EML1: variants seen among roughly 807,000 people sequenced by gnomAD.
EML1 encodes echinoderm microtubule-associated protein-like 1.
A neutral mutation model predicts 110.4 loss-of-function variants in EML1; 27 were observed. That is an observed-to-expected ratio of 0.24 (90% CI 0.18 to 0.34). EML1 has a LOEUF of 0.34. Among genes scored for constraint, EML1 ranks in the 10% least tolerant of loss-of-function variants. The pLI is 1.00. For synonymous variants in EML1, 344 were observed against 385.8 expected (o/e 0.89, Z 1.27); for missense variants, 741 against 1,030.9 (o/e 0.72, Z 3.85).
chr14:99,820,690 A>G (rs2058246759), intron 1 of EML1, among the ~76,000 whole-genome samples: 1 of 152,182 alleles, frequency 6.6e-6, no homozygotes, highest in Admixed American at 6.5e-5. Context: ...TAAAGGATCC[A>G]GGGGCAGGTT....
At chr14:99,751,262 G>T (rs8011081) in intron 1 of EML1, among the ~76,000 whole-genome samples, 9 of 151,806 alleles carry the variant, frequency 5.9e-5, no homozygotes, top group Non-Finnish European at 1.0e-4. Flanking sequence ...AGAACCACAG[G>T]GGGGTGGGCA....
At chr14:99,756,793 G>C (rs552228995) in intron 1 of EML1, among the ~76,000 whole-genome samples, 2 of 152,062 alleles carry the variant, frequency 1.3e-5, no homozygotes, top group Non-Finnish European at 2.9e-5. Context: ...AGTGTGTCAG[G>C]CACCCTCAGA....
At chr14:99,934,833 G>A (rs1350451906) in intron 17 of EML1, among the ~76,000 whole-genome samples, 1 of 152,194 alleles carries the variant, frequency 6.6e-6, no homozygotes, top group East Asian at 1.9e-4. Context: ...CCTGCATAGC[G>A]TGCACAGCAT....
At chr14:99,930,386 G>A (rs1367157457) in intron 17 of EML1, among the ~76,000 whole-genome samples, 3 of 152,334 alleles carry the variant, frequency 2.0e-5, no homozygotes, top group Admixed American at 6.5e-5. Context: ...ACGCAACCAC[G>A]AAGCCAAGCC....
At chr14:99,830,079 C>A (rs577275533) in intron 1 of EML1, among the ~76,000 whole-genome samples, 5 of 152,334 alleles carry the variant, frequency 3.3e-5, no homozygotes, top group South Asian at 2.1e-4. Flanking sequence ...AACTGTTTTC[C>A]ACAATGGCTG....
At chr14:99,809,786 A>G (rs998749331) in intron 1 of EML1, 3 of 453,404 alleles carry the variant, frequency 6.6e-6, no homozygotes, top group African/African-American at 6.0e-5. Context: ...GTTTGTGTTC[A>G]TTTCTTTTAG....
At chr14:99,804,515 C>T (rs1477294322) in intron 1 of EML1, among the ~76,000 whole-genome samples, 1 of 152,208 alleles carries the variant, frequency 6.6e-6, no homozygotes, top group African/African-American at 2.4e-5. Context: ...GATTGCCTGG[C>T]CAGTGTGTTT....
At chr14:99,872,707 A>G (rs1265565186) in intron 3 of EML1, among the ~76,000 whole-genome samples, 1 of 152,224 alleles carries the variant, frequency 6.6e-6, no homozygotes, top group Non-Finnish European at 1.5e-5. Context: ...AAGTTCCTAT[A>G]GATCTCTCAT....
chr14:99,942,032 A>G lies in EML1; in HGVS notation c.*1920A>G, dbSNP rs975178680. The stretch of plus-strand genomic sequence containing the variant: ...ATAATGATTAATCACTTTATTATGA[A>G]TGAATGAATGAATTTGATGGATTTA... On this transcript the variant is annotated 3_prime_UTR_variant, in exon 22 of 22. Coordinates refer to ENST00000262233, the MANE Select transcript of EML1 (RefSeq NM_004434.3). The G allele has an allele frequency of 2.0e-5, 3 of 152,216 alleles. No individual in the cohort carries two copies. The highest frequency in any genetic ancestry group is 1.3e-4 in the Admixed American group (2 of 15,274). The allele number at this position is 152,216 out of a possible 1,614,324, so 9.4% of individuals were successfully genotyped here.
At chr14:99,803,381 A>C (rs995181465) in intron 1 of EML1, among the ~76,000 whole-genome samples, 3 of 152,238 alleles carry the variant, frequency 2.0e-5, no homozygotes, top group African/African-American at 7.2e-5. Flanking sequence ...ATACCTGCGT[A>C]TCTACGTGCA....
chr14:99,811,894 T>C (rs79132627), intron 1 of EML1, among the ~76,000 whole-genome samples: 1 of 151,784 alleles, frequency 6.6e-6, no homozygotes, highest in Non-Finnish European at 1.5e-5. Flanking sequence ...GTACTATTCA[T>C]AAGTGGCAGT....
intron 15 of EML1, among the ~76,000 whole-genome samples, chr14:99,916,653 C>A (rs1424299590): frequency 6.6e-6 from 1 of 152,224 alleles, no homozygotes; most frequent in Non-Finnish European, 1.5e-5. Flanking sequence ...AGTGACATCA[C>A]TAATGTGATA....
Position 99,739,080 on chromosome 14 carries a change from G to GTA in EML1, c.28+1221_28+1222insAT, listed in dbSNP as rs1401709223. On this transcript the variant is annotated intron_variant, in intron 1 of 10. Transcript: ENST00000554479. ...AGAGTGTGAGAGTGTGTGTGTGTGT[G>GTA]TGTGTGTGTGTGAGAGAGAGAGACA... Among the ~76,000 whole-genome samples the GTA allele has an allele frequency of 4.1e-3, 524 of 126,560 alleles. 5 individuals carry two copies. Among genetic ancestry groups the GTA allele is most frequent in the African/African-American group, 0.017 (489 of 28,166 alleles). 83.0% of individuals were successfully genotyped at this position (126,560 alleles called of 152,430 possible).
chr14:99,912,382 G>A (rs906863800), intron 13 of EML1, among the ~76,000 whole-genome samples: 3 of 152,128 alleles, frequency 2.0e-5, no homozygotes, highest in African/African-American at 7.2e-5. Flanking sequence ...CCAGAGGCAA[G>A]ATATTTAATA....
intron 16 of EML1, among the ~76,000 whole-genome samples, chr14:99,919,324 G>A (rs2060087220): frequency 6.6e-6 from 1 of 151,980 alleles, no homozygotes; most frequent in Non-Finnish European, 1.5e-5. Context: ...GCCCTTTGCA[G>A]GTCATAGGTA....
chr14:99,837,148 C>T (rs554885217), intron 1 of EML1, among the ~76,000 whole-genome samples: 1 of 152,218 alleles, frequency 6.6e-6, no homozygotes, highest in East Asian at 1.9e-4. Flanking sequence ...CTCTCTTCCC[C>T]ATTACCCTCT....
Position 99,784,769 on chromosome 14 carries a change from A to C in EML1, c.-27+10756A>C, listed in dbSNP as rs1164009690. 1.3e-5 allele frequency among the ~76,000 whole-genome samples: 2 copies of C among 152,238 alleles called. No individual in the cohort carries two copies. Among genetic ancestry groups the C allele is most frequent in the Non-Finnish European group, 2.9e-5 (2 of 68,036 alleles). On this transcript the variant is annotated intron_variant, in intron 1 of 22. Coordinates refer to the EML1 transcript ENST00000327921. The surrounding 1 kb of genome is among the most constrained non-coding windows in gnomAD (Gnocchi z 4.5). ...AAGGAGCTGGCTTCACCAGGCTGACAAGGTCTCACCTTCATAAGATAAGCT... is the reference window on the plus strand; with the variant it reads ...AAGGAGCTGGCTTCACCAGGCTGACCAGGTCTCACCTTCATAAGATAAGCT...
intron 13 of EML1, among the ~76,000 whole-genome samples, chr14:99,913,487 A>C (rs1202608342): frequency 6.6e-6 from 1 of 152,008 alleles, no homozygotes; most frequent in Non-Finnish European, 1.5e-5. Flanking sequence ...TATATTCTTT[A>C]CTTTCTGAAT....
At chr14:99,868,167 T>C (rs1957511) in intron 3 of EML1, among the ~76,000 whole-genome samples, 55,138 of 152,086 alleles carry the variant, frequency 0.36, 10,986 homozygotes, top group African/African-American at 0.52. Context: ...ATATAAATCC[T>C]AATTTGTCAT....
Sources: allele counts gnomAD v4.1 joint callset (sites outside exome capture counted in the v4.1 genomes callset), GRCh38; gene constraint gnomAD v4.1.1; non-coding constraint Gnocchi (gnomAD v3.1); transcripts MANE v1.5; gene names NCBI Gene and HGNC (gene_info 2026-07-23, HGNC 2026-07-21).